CDK18: variants seen among roughly 807,000 people sequenced by gnomAD.
CDK18 encodes the protein cyclin dependent kinase 18, also known as cyclin-dependent kinase 18.
In CDK18, 52 loss-of-function variants were observed where a neutral mutation model predicts 62.0. The observed-to-expected ratio is 0.84, with a 90% CI of 0.67 to 1.06. CDK18 has a LOEUF of 1.06. Ranked by LOEUF, CDK18 falls within the 50% of genes least tolerant of loss-of-function variation. CDK18 has a pLI of 0.00. For synonymous variants in CDK18, 237 were observed against 247.0 expected (o/e 0.96, Z 0.38); for missense variants, 604 against 619.9 (o/e 0.97, Z 0.27).
At chr1:205,518,802 T>C (rs1667962963) in intron 1 of CDK18, among the ~76,000 whole-genome samples, 2 of 152,228 alleles carry the variant, frequency 1.3e-5, no homozygotes, top group Admixed American at 6.5e-5. Flanking sequence ...TCCTTCCTCC[T>C]TCTGTGCCAC....
At chr1:205,509,978 G>A (rs1221032497) in intron 1 of CDK18, among the ~76,000 whole-genome samples, 2 of 151,956 alleles carry the variant, frequency 1.3e-5, no homozygotes, top group Admixed American at 6.6e-5. Flanking sequence ...TACTCCAGAG[G>A]CTGAGGCACG....
intron 1 of CDK18, among the ~76,000 whole-genome samples, chr1:205,508,090 T>C (rs1434930960): frequency 6.6e-6 from 1 of 152,246 alleles, no homozygotes; most frequent in Non-Finnish European, 1.5e-5. Context: ...GCAGTCCCTG[T>C]TCTGCTCTGT....
At position 205,524,313 on chromosome 1, in the gene CDK18, G is replaced by C; in HGVS notation, c.355G>C (p.Asp119His). ...ACAGAAGCTACAGATGGAGAGCCCA[G>C]ATCTGCCCAAGCCGCTCAGCCGCAT... ...FLQKLQMESP[D>H]LPKPLSRMSR... is the part of the protein sequence containing the mutation. Residue 119 changes from aspartate to histidine, a missense_variant, in exon 4 of 16, where the codon GAT (aspartate) becomes CAT (histidine). Physicochemically the swap from Asp to His is moderately conservative, Grantham distance 81. Transcript: ENST00000429964. 6.2e-7 allele frequency: 1 copy of C among 1,614,168 alleles called. No homozygotes were observed. The highest frequency in any genetic ancestry group is 8.5e-7 in the Non-Finnish European group (1 of 1,180,040).
At position 205,525,114 on chromosome 1, in the gene CDK18, G is replaced by A. The variant is rs779830921; in HGVS notation, c.400-25G>A. On this transcript the variant is annotated intron_variant, in intron 4 of 15. Coordinates refer to ENST00000429964, the MANE Select transcript of CDK18 (RefSeq NM_212502.3). ...GAGCTGCTAAGGGCTTCAAGCTCAC[G>A]GCATTCTATGTCTCTCCCTCTCAGT... The A allele has an allele frequency of 5.7e-6, 9 of 1,585,830 alleles. No individual in the cohort carries two copies. In the South Asian group the frequency reaches 7.9e-5, roughly 14 times the overall value.
intron 1 of CDK18, among the ~76,000 whole-genome samples, chr1:205,510,045 A>G (rs975672296): frequency 1.3e-5 from 2 of 151,334 alleles, no homozygotes; most frequent in African/African-American, 2.4e-5. Flanking sequence ...GTACCACTGC[A>G]CTCCAGACTG....
intron 3 of CDK18, 100 bp downstream of exon 3, chr1:205,523,725 A>C: frequency 7.1e-7 from 1 of 1,408,358 alleles, no homozygotes; most frequent in Middle Eastern, 1.8e-4. Flanking sequence ...TGTGAGTTCA[A>C]ATTCCACCTC....
chr1:205,518,265 C>A (rs1239066980), intron 1 of CDK18, among the ~76,000 whole-genome samples: 2 of 152,106 alleles, frequency 1.3e-5, no homozygotes, highest in East Asian at 1.9e-4. Context: ...TTGTCCGCAC[C>A]CCCCTACCCC....
At chr1:205,512,084 TGGGGGAC>T (rs67092193) in intron 1 of CDK18, among the ~76,000 whole-genome samples, 9,149 of 152,044 alleles carry the variant, frequency 0.06, 373 homozygotes, top group Non-Finnish European at 0.09. Context: ...ACTGAACCCT[TGGGGGAC>T]ACACAGGCAG....
Position 205,527,998 on chromosome 1 carries a change from C to T in CDK18, c.854-50C>T. 6.2e-7 allele frequency: 1 copy of T among 1,613,164 alleles called. No homozygotes were observed. The highest frequency in any genetic ancestry group is 1.1e-5 in the South Asian group (1 of 91,002). On this transcript the variant is annotated intron_variant, in intron 9 of 15. Coordinates refer to ENST00000429964, the MANE Select transcript of CDK18 (RefSeq NM_212502.3). This position sits in a 1 kb window ranked among gnomAD's most constrained non-coding sequence, Gnocchi z 4.1. ...GTGCAGTGGGGGAGGGCATAGCAGT[C>T]AACCCCACAGCACCTGTGGACAGAG...
intron 5 of CDK18, among the ~76,000 whole-genome samples, chr1:205,525,450 T>C (rs750906608): frequency 6.6e-6 from 1 of 152,172 alleles, no homozygotes; most frequent in Non-Finnish European, 1.5e-5. Flanking sequence ...CTTTTTTTTT[T>C]CTGCAAGTCC....
intron 11 of CDK18, 48 bp from the exon 12 acceptor site, chr1:205,529,276 G>A (rs1558786178): frequency 6.5e-6 from 10 of 1,542,070 alleles, no homozygotes; most frequent in Non-Finnish European, 8.9e-6. Context: ...AGTCGGCCTT[G>A]GCCCTGGGCC....
chr1:205,530,345 A>C lies in CDK18; in HGVS notation c.1308A>C (p.Glu436Asp), dbSNP rs1558787926. The change falls in exon 14 of 16, where the codon GAA (glutamate) becomes GAC (aspartate). Residue 436 changes from glutamate (E) to aspartate (D), a missense_variant. By Grantham distance (45) the Glu-to-Asp change is conservative. Coordinates refer to ENST00000429964, the MANE Select transcript of CDK18 (RefSeq NM_212502.3). ...RSLGERVHQL[E>D]DTASIFSLKE... ...TGGGAGAGCGTGTGCACCAGCTTGA[A>C]GACAGTGAGTACTGGGGGTCCGGGA... 2.5e-6 allele frequency: 4 copies of C among 1,612,504 alleles called. No individual in the cohort carries two copies. The highest frequency in any genetic ancestry group is 1.6e-4 in the Middle Eastern group (1 of 6,062).
chr1:205,521,968 C>A (rs923539430), intron 1 of CDK18, among the ~76,000 whole-genome samples: 1 of 152,218 alleles, frequency 6.6e-6, no homozygotes, highest in Admixed American at 6.5e-5. Context: ...AGGGCTCACC[C>A]CCTGGTGCCT....
chr1:205,506,417 A>G (rs1213538658), intron 1 of CDK18, among the ~76,000 whole-genome samples: 2 of 151,848 alleles, frequency 1.3e-5, no homozygotes, highest in Admixed American at 1.3e-4. Flanking sequence ...ATACCCTGCC[A>G]GGAGAATGGA....
intron 1 of CDK18, among the ~76,000 whole-genome samples, chr1:205,521,573 G>A (rs551783983): frequency 1.8e-4 from 27 of 152,182 alleles, no homozygotes; most frequent in Non-Finnish European, 2.6e-4. Context: ...AGATGGGCCT[G>A]CCTAGCACTG....
intron 1 of CDK18, among the ~76,000 whole-genome samples, chr1:205,522,039 T>C (rs1044433659): frequency 6.6e-6 from 1 of 151,892 alleles, no homozygotes; most frequent in Non-Finnish European, 1.5e-5. Context: ...CAGAGCAGGA[T>C]GAGAGGGGGG....
At position 205,527,182 on chromosome 1, in the gene CDK18, G is replaced by A. The variant is rs1163917557; in HGVS notation, c.729+345G>A. On this transcript the variant is annotated intron_variant, in intron 8 of 15. Coordinates refer to ENST00000429964, the MANE Select transcript of CDK18 (RefSeq NM_212502.3). The surrounding 1 kb of genome is among the most constrained non-coding windows in gnomAD (Gnocchi z 4.1). ...GGGGTTATGAATGACCTCTCCTGGTGTTTGTTAAAGAATCAAGGCTGGGCA... is the reference window on the plus strand; with the variant it reads ...GGGGTTATGAATGACCTCTCCTGGTATTTGTTAAAGAATCAAGGCTGGGCA... 3.4e-6 allele frequency: 1 copy of A among 296,058 alleles called. No individual in the cohort carries two copies. Among genetic ancestry groups the A allele is most frequent in the African/African-American group, 2.2e-5 (1 of 46,384 alleles). The allele number at this position is 296,058 out of a possible 1,614,324, so 18.3% of individuals were successfully genotyped here. A position where few individuals can be genotyped will look rare whatever the true frequency, so the allele number is the denominator to read the frequency against.
chr1:205,530,061 G>C, intron 13 of CDK18, 198 bp from the exon 14 acceptor site: 1 of 1,426,080 alleles, frequency 7.0e-7, no homozygotes, highest in Non-Finnish European at 9.1e-7. Context: ...CTGGTGGCTG[G>C]AGACCGAGGA....
rs576010149 is a variant in CDK18, at chr1:205,517,618, C to T, written c.-21-5529C>T. Among the ~76,000 whole-genome samples the T allele has an allele frequency of 1.1e-4, 17 of 152,158 alleles. No individual in the cohort carries two copies. Among genetic ancestry groups the T allele is most frequent in the African/African-American group, 1.7e-4 (7 of 41,526 alleles). ...CAGTGACTGTTCTATCTCTCCACTCCGGCTGCTTGGCGAAAACCCTGCTGC... is the reference window on the plus strand; with the variant it reads ...CAGTGACTGTTCTATCTCTCCACTCTGGCTGCTTGGCGAAAACCCTGCTGC... On this transcript the variant is annotated intron_variant, in intron 1 of 15. Coordinates refer to ENST00000429964, the MANE Select transcript of CDK18 (RefSeq NM_212502.3). This position sits in a 1 kb window ranked among gnomAD's most constrained non-coding sequence, Gnocchi z 4.1.
Sources: allele counts gnomAD v4.1 joint callset (sites outside exome capture counted in the v4.1 genomes callset), GRCh38; gene constraint gnomAD v4.1.1; non-coding constraint Gnocchi (gnomAD v3.1); transcripts MANE v1.5; gene names NCBI Gene and HGNC (gene_info 2026-07-23, HGNC 2026-07-21).